Variants in STAG1 observed in about 807,000 individuals in gnomAD.
The protein encoded by STAG1 is STAG1 cohesin complex component.
In STAG1, 26 loss-of-function variants were observed where a neutral mutation model predicts 170.9. The ratio of observed to expected loss-of-function variants is 0.15; its 90% CI spans 0.11 to 0.21. STAG1 has a LOEUF of 0.21. Ranked by LOEUF, STAG1 falls within the 10% of genes least tolerant of loss-of-function variation. The pLI is 1.00. For synonymous variants in STAG1, 514 were observed against 497.7 expected (o/e 1.03, Z -0.44); for missense variants, 964 against 1,509.5 (o/e 0.64, Z 5.99).
At chr3:136,368,849 T>A (rs1401111408) in intron 24 of STAG1, among the ~76,000 whole-genome samples, 3 of 152,134 alleles carry the variant, frequency 2.0e-5, no homozygotes, top group Non-Finnish European at 2.9e-5. Flanking sequence ...AACTTTTTTT[T>A]AATTTATGTT....
At chr3:136,579,812 C>T (rs1179403229) in intron 4 of STAG1, among the ~76,000 whole-genome samples, 1 of 152,030 alleles carries the variant, frequency 6.6e-6, no homozygotes, top group African/African-American at 2.4e-5. Context: ...TAGTACAATG[C>T]TGTCAGTGTA....
At chr3:136,714,534 C>A (rs1484799145) in intron 1 of STAG1, among the ~76,000 whole-genome samples, 2 of 151,956 alleles carry the variant, frequency 1.3e-5, no homozygotes, top group African/African-American at 4.8e-5. Flanking sequence ...CAAGACCATC[C>A]TGCCTAACAT....
chr3:136,715,229 T>A (rs1269981650), intron 1 of STAG1, among the ~76,000 whole-genome samples: 1 of 149,822 alleles, frequency 6.7e-6, no homozygotes, highest in African/African-American at 2.5e-5. Context: ...CTCAAGCTAG[T>A]CTCAAACTCC....
At chr3:136,433,786 C>A in intron 15 of STAG1, 127 bp from the exon 16 acceptor site, 1 of 664,686 alleles carries the variant, frequency 1.5e-6, no homozygotes. Flanking sequence ...TAAAGTTAAG[C>A]TCTGTACTTT....
intron 7 of STAG1, among the ~76,000 whole-genome samples, chr3:136,520,317 A>T (rs1417684237): frequency 1.3e-5 from 2 of 152,154 alleles, no homozygotes; most frequent in African/African-American, 2.4e-5. Flanking sequence ...TAGATAAATG[A>T]GAAATTAAAA....
intron 1 of STAG1, among the ~76,000 whole-genome samples, chr3:136,732,861 G>T (rs112227400): frequency 4.6e-5 from 7 of 152,036 alleles, no homozygotes; most frequent in African/African-American, 1.4e-4. Flanking sequence ...ACCCACCTCG[G>T]CCTCCCAAAC....
chr3:136,356,028 C>CA (rs1936638376), intron 28 of STAG1, among the ~76,000 whole-genome samples: 1 of 151,582 alleles, frequency 6.6e-6, no homozygotes, highest in African/African-American at 2.4e-5. Flanking sequence ...TACCCCATTT[C>CA]AGTGCCTGAA....
intron 1 of STAG1, among the ~76,000 whole-genome samples, chr3:136,692,583 C>T (rs960883894): frequency 1.3e-5 from 2 of 151,810 alleles, no homozygotes; most frequent in Non-Finnish European, 2.9e-5. Flanking sequence ...TGCAGCAAGC[C>T]AAGATCGTGC....
intron 1 of STAG1, among the ~76,000 whole-genome samples, chr3:136,682,353 A>G (rs550401188): frequency 2.0e-5 from 3 of 151,938 alleles, no homozygotes; most frequent in South Asian, 4.2e-4. Context: ...TGAACCCGGA[A>G]GGCAGAGGTT....
chr3:136,551,843 C>T (rs899752974), intron 5 of STAG1, among the ~76,000 whole-genome samples: 1 of 152,072 alleles, frequency 6.6e-6, no homozygotes, highest in Admixed American at 6.6e-5. Context: ...GATCCTCCTG[C>T]CTTGGCCTCC....
At chr3:136,347,998 T>C (rs1199073908) in intron 29 of STAG1, among the ~76,000 whole-genome samples, 1 of 152,190 alleles carries the variant, frequency 6.6e-6, no homozygotes, top group African/African-American at 2.4e-5. Flanking sequence ...CAATACTGTT[T>C]CCCCAATAAT....
intron 12 of STAG1, among the ~76,000 whole-genome samples, chr3:136,471,745 T>C (rs753303869): frequency 3.9e-5 from 6 of 152,178 alleles, no homozygotes; most frequent in Non-Finnish European, 7.3e-5. Flanking sequence ...AATTGCTTTA[T>C]TTTTTTCTTC....
intron 22 of STAG1, among the ~76,000 whole-genome samples, chr3:136,386,871 T>A (rs1243981143): frequency 6.6e-6 from 1 of 152,132 alleles, no homozygotes; most frequent in African/African-American, 2.4e-5. Context: ...AACTAATTAG[T>A]AAACACATAA....
intron 6 of STAG1, among the ~76,000 whole-genome samples, chr3:136,533,933 A>G (rs957930479): frequency 2.6e-5 from 4 of 152,248 alleles, no homozygotes. Flanking sequence ...AGCAAAGTTA[A>G]GCAAAACAAA....
intron 10 of STAG1, among the ~76,000 whole-genome samples, chr3:136,474,858 T>C (rs1559826554): frequency 6.6e-6 from 1 of 152,152 alleles, no homozygotes; most frequent in Non-Finnish European, 1.5e-5. Context: ...CACGGTTTAC[T>C]AGAACCACCT....
rs554475207 is a variant in STAG1, at chr3:136,405,231, C to CTTTTTT, written c.2197-6408_2197-6403dup. Among the ~76,000 whole-genome samples, 206 of 60,894 alleles carry CTTTTTT rather than the reference C, an allele frequency of 3.4e-3. 26 individuals are homozygous for CTTTTTT. Among genetic ancestry groups the CTTTTTT allele is most frequent in the Non-Finnish European group, 5.6e-3 (160 of 28,620 alleles). The allele number at this position is 60,894 out of a possible 152,430, so 39.9% of individuals were successfully genotyped here. ...AATAAATAAACACATGAAAAAACCTCTTTTTTTTTTTTTTTTTTTTTTTTT... is the reference window on the plus strand; with the variant it reads ...AATAAATAAACACATGAAAAAACCTCTTTTTTTTTTTTTTTTTTTTTTTTTTTTTTT... On this transcript the variant is annotated intron_variant, in intron 21 of 33. Coordinates refer to ENST00000383202, the MANE Select transcript of STAG1 (RefSeq NM_005862.3).
intron 12 of STAG1, among the ~76,000 whole-genome samples, chr3:136,470,608 C>G (rs190103091): frequency 6.6e-6 from 1 of 152,164 alleles, no homozygotes; most frequent in African/African-American, 2.4e-5. Context: ...ACTAGAAATA[C>G]CATTTGACCC....
At chr3:136,730,919 A>G (rs1200185210) in intron 1 of STAG1, among the ~76,000 whole-genome samples, 2 of 152,236 alleles carry the variant, frequency 1.3e-5, no homozygotes, top group African/African-American at 4.8e-5. Flanking sequence ...GTAAAAACAC[A>G]GATTGCTCAT....
chr3:136,658,012 C>T (rs1941451532), intron 1 of STAG1, among the ~76,000 whole-genome samples: 1 of 152,016 alleles, frequency 6.6e-6, no homozygotes, highest in Non-Finnish European at 1.5e-5. Context: ...TTATGGTCAC[C>T]TGCACACTAT....
Sources: allele counts gnomAD v4.1 joint callset (sites outside exome capture counted in the v4.1 genomes callset), GRCh38; gene constraint gnomAD v4.1.1; transcripts MANE v1.5; gene names NCBI Gene and HGNC (gene_info 2026-07-23, HGNC 2026-07-21).